The following ATP7A variants were observed in gnomAD, a reference collection of about 807,000 sequenced individuals.
ATP7A encodes copper-transporting ATPase 1.
A neutral mutation model predicts 83.5 loss-of-function variants in ATP7A; 7 were observed. The observed-to-expected ratio is 0.08, with a 90% CI of 0.05 to 0.16. The LOEUF (loss-of-function observed/expected upper bound fraction) is 0.16. Among genes scored for constraint, ATP7A ranks in the 10% least tolerant of loss-of-function variants. ATP7A has a pLI of 1.00. For synonymous variants in ATP7A, 354 were observed against 395.2 expected (o/e 0.90, Z 1.24); for missense variants, 940 against 1,120.8 (o/e 0.84, Z 2.30).
intron 1 of ATP7A, among the ~76,000 whole-genome samples, chrX:77,971,004 T>G (rs1168481184): frequency 8.9e-6 from 1 of 112,133 alleles, no homozygotes; most frequent in African/African-American, 3.2e-5. Context: ...CTCATTAAGG[T>G]TAGATTTGAA....
At chrX:78,004,755 C>T (rs371071536) in intron 6 of ATP7A, among the ~76,000 whole-genome samples, 131 of 111,082 alleles carry the variant, frequency 1.2e-3, no homozygotes, top group African/African-American at 3.4e-3. Flanking sequence ...TGGTGGCATG[C>T]GCCTGTAATC....
At chrX:78,045,916 G>C (rs1213665819) in intron 22 of ATP7A, among the ~76,000 whole-genome samples, 1 of 111,985 alleles carries the variant, frequency 8.9e-6, no homozygotes, top group Non-Finnish European at 1.9e-5. Context: ...CTGGGAGGTG[G>C]AGGTTGCAGT....
In ATP7A at chrX:77,918,066, CTTT is replaced by C. The variant is rs1311945353; in HGVS notation, c.-22+7247_-22+7249del. ...AACATTTGACAGTATTGTTCAGGCA[CTTT>C]TTTTTTTTTTTTTTTGAGACAGGGT... is the stretch of plus-strand genomic sequence containing the variant. On this transcript the variant is annotated intron_variant, in intron 1 of 22. Transcript: ENST00000341514. 8.8e-5 allele frequency among the ~76,000 whole-genome samples: 8 copies of C among 90,565 alleles called. No individual in the cohort carries two copies. In the East Asian group the frequency reaches 2.0e-3, roughly 23 times the overall value. The allele number at this position is 90,565 out of a possible 115,157, so 78.6% of individuals were successfully genotyped here. A position where few individuals can be genotyped will look rare whatever the true frequency, so the allele number is the denominator to read the frequency against.
chrX:77,967,374 G>A (rs1557228906), intron 1 of ATP7A, among the ~76,000 whole-genome samples: 1 of 111,986 alleles, frequency 8.9e-6, no homozygotes, highest in Non-Finnish European at 1.9e-5. Context: ...CACCAACAGT[G>A]TAAAAGCGTT....
At position 77,988,494 on chromosome X, in the gene ATP7A, G is replaced by T. The variant is rs782688596; in HGVS notation, c.373G>T (p.Val125Leu). The change falls in exon 3 of 23, where the codon GTA becomes TTA. Residue 125 changes from valine to leucine, a missense_variant. By Grantham distance (32) the Val-to-Leu change is conservative. Coordinates refer to ENST00000341514, the MANE Select transcript of ATP7A (RefSeq NM_000052.7). ...DIKIYPQKRT[V>L]AVTIIPSIVN... is the part of the protein sequence containing the mutation. ...TAAAATTTACCCTCAGAAAAGAACT[G>T]TAGCAGTGACAATAATCCCTTCTAT... 22 of 1,209,932 alleles carry T rather than the reference G, an allele frequency of 1.8e-5. No homozygotes were observed. The East Asian group carries it at 5.0e-4, about 28-fold the overall frequency.
intron 9 of ATP7A, 101 bp from the exon 10 acceptor site, chrX:78,012,777 TA>T (rs2077836080): frequency 1.3e-6 from 1 of 764,481 alleles, no homozygotes. Context: ...ATGGATTAGC[TA>T]AAAGCCAAAG....
chrX:78,042,520 T>C (rs1234716310), intron 19 of ATP7A, 65 bp from the exon 20 acceptor site: 1 of 1,077,590 alleles, frequency 9.3e-7, no homozygotes, highest in African/African-American at 1.8e-5. Flanking sequence ...TGGCTTGTTA[T>C]TGCTCAGTTA....
At chrX:78,035,851 G>A (rs1473058130) in intron 17 of ATP7A, among the ~76,000 whole-genome samples, 1 of 111,802 alleles carries the variant, frequency 8.9e-6, no homozygotes, top group African/African-American at 3.3e-5. Context: ...CACCCTCATT[G>A]ACTGACATAT....
intron 18 of ATP7A, 24 bp downstream of exon 18, chrX:78,039,006 A>G (rs781802533): frequency 1.1e-5 from 13 of 1,200,299 alleles, no homozygotes; most frequent in South Asian, 7.1e-5. Flanking sequence ...TAAGTATGCT[A>G]TAACTCAATG....
At chrX:78,031,090 C>A (rs2077981018) in intron 15 of ATP7A, among the ~76,000 whole-genome samples, 1 of 111,657 alleles carries the variant, frequency 9.0e-6, no homozygotes, top group African/African-American at 3.3e-5. Flanking sequence ...CCTTGAGGCA[C>A]TAGAGGCGTC....
At chrX:77,982,952 G>A (rs935334494) in intron 2 of ATP7A, among the ~76,000 whole-genome samples, 10 of 111,988 alleles carry the variant, frequency 8.9e-5, no homozygotes, top group Non-Finnish European at 1.9e-5. Flanking sequence ...CAAGGTGCTG[G>A]CAAATTTGAT....
At chrX:78,042,927 G>T (rs965409668) in intron 20 of ATP7A, 139 bp downstream of exon 20, 1 of 744,525 alleles carries the variant, frequency 1.3e-6, no homozygotes, top group Admixed American at 2.5e-5. Flanking sequence ...AATATGGAGT[G>T]GGATTATGGG....
chrX:77,975,865 GC>G (rs781967920), intron 2 of ATP7A: 36 of 111,934 alleles, frequency 3.2e-4, no homozygotes, highest in African/African-American at 1.1e-3. Context: ...TGTCATTTTA[GC>G]TGAGTTGTAT....
intron 1 of ATP7A, among the ~76,000 whole-genome samples, chrX:77,943,482 T>A (rs1180626403): frequency 8.9e-6 from 1 of 112,137 alleles, no homozygotes; most frequent in Non-Finnish European, 1.9e-5. Context: ...TGTCCAAAGC[T>A]ATAGAAGACA....
At chrX:78,040,470 A>T in intron 18 of ATP7A, 121 bp from the exon 19 acceptor site, 1 of 879,967 alleles carries the variant, frequency 1.1e-6, no homozygotes, top group Non-Finnish European at 1.6e-6. Context: ...ATTTTAAGTT[A>T]AGCCATGCCC....
rs782222305 is a variant in ATP7A at position 77,911,702 on chromosome X, G to T, written c.-22+867G>T. 1.0e-3 allele frequency among the ~76,000 whole-genome samples: 114 copies of T among 110,863 alleles called. 2 individuals are homozygous for T. Among genetic ancestry groups the T allele is most frequent in the Admixed American group, 3.9e-4 (4 of 10,363 alleles). On this transcript the variant is annotated intron_variant, in intron 1 of 22. Transcript: ENST00000341514. ...GACACACCTGTAATACCAACACTTT[G>T]GGAGGCCGAGGAGGGTGGATCACCT...
intron 2 of ATP7A, chrX:77,976,045 A>C (rs1433155698): frequency 8.9e-6 from 1 of 112,093 alleles, no homozygotes; most frequent in Non-Finnish European, 1.9e-5. Context: ...ATCAGCTTGC[A>C]TCACTACCAG....
intron 2 of ATP7A, among the ~76,000 whole-genome samples, chrX:77,987,253 A>T (rs1373356260): frequency 8.9e-6 from 1 of 111,749 alleles, no homozygotes; most frequent in East Asian, 2.8e-4. Context: ...TAGTTGCTCA[A>T]TGTTTAATTT....
At chrX:77,998,962 G>T (rs1163726838) in intron 5 of ATP7A, among the ~76,000 whole-genome samples, 2 of 109,491 alleles carry the variant, frequency 1.8e-5, no homozygotes, top group Non-Finnish European at 3.8e-5. Context: ...ATTTTTTATA[G>T]ATCAATCATG....
Sources: allele counts gnomAD v4.1 joint callset (sites outside exome capture counted in the v4.1 genomes callset), GRCh38; gene constraint gnomAD v4.1.1; transcripts MANE v1.5; gene names NCBI Gene and HGNC (gene_info 2026-07-23, HGNC 2026-07-21).